The following ZNF410 variants were observed in gnomAD, a reference collection of about 807,000 sequenced individuals.
The protein encoded by ZNF410 is zinc finger protein 410, also known as another partner for ARF 1.
In ZNF410, 18 loss-of-function variants were observed where a neutral mutation model predicts 54.8. The observed-to-expected ratio is 0.33, with a 90% CI of 0.23 to 0.49. ZNF410 has a LOEUF of 0.49. Ranked by LOEUF, ZNF410 falls within the 20% of genes least tolerant of loss-of-function variation. The pLI is 0.99. For missense variants in ZNF410, 405 were observed against 569.6 expected (o/e 0.71, Z 2.94); for synonymous variants, 191 against 207.3 (o/e 0.92, Z 0.68).
At chr14:73,905,126 G>T (rs1281345519) in intron 7 of ZNF410, 43 bp downstream of exon 7, 13 of 1,579,830 alleles carry the variant, frequency 8.2e-6, no homozygotes, top group South Asian at 2.3e-5. Flanking sequence ...CTGCTCCTTG[G>T]CTCTGCATGT....
chr14:73,915,830 T>G (rs925696834), intron 8 of ZNF410: 1 of 152,262 alleles, frequency 6.6e-6, no homozygotes, highest in African/African-American at 2.4e-5. Context: ...TTACTGCTAG[T>G]AGTTGGTTTT....
chr14:73,909,282 G>T, intron 7 of ZNF410, 59 bp from the exon 8 acceptor site: 1 of 1,416,830 alleles, frequency 7.1e-7, no homozygotes, highest in Non-Finnish European at 9.8e-7. Flanking sequence ...TGGGAAAAGA[G>T]AGTAACAGGT....
intron 11 of ZNF410, among the ~76,000 whole-genome samples, chr14:73,930,604 T>C (rs1486111075): frequency 6.6e-6 from 1 of 152,180 alleles, no homozygotes; most frequent in Non-Finnish European, 1.5e-5. Flanking sequence ...TCCCATCTCA[T>C]TTTTGTGTGT....
chr14:73,890,292 G>T (rs1442384060), intron 1 of ZNF410, among the ~76,000 whole-genome samples: 1 of 151,688 alleles, frequency 6.6e-6, no homozygotes, highest in Non-Finnish European at 1.5e-5. Flanking sequence ...GGGTTCAAGC[G>T]ATTCTCCTGC....
intron 5 of ZNF410, 63 bp downstream of exon 5, chr14:73,898,325 G>C (rs571923674): frequency 1.3e-6 from 2 of 1,530,134 alleles, no homozygotes; most frequent in Admixed American, 3.6e-5. Flanking sequence ...TAATGCAGTG[G>C]CTGGTTTGAG....
At chr14:73,921,519 C>A (rs2055754160) in intron 9 of ZNF410, among the ~76,000 whole-genome samples, 1 of 151,998 alleles carries the variant, frequency 6.6e-6, no homozygotes. Flanking sequence ...GCTTTGTCAC[C>A]CAGGCTGGAG....
intron 5 of ZNF410, 40 bp from the exon 6 acceptor site, chr14:73,903,920 G>C (rs1296074880): frequency 3.1e-6 from 5 of 1,612,082 alleles, no homozygotes; most frequent in Non-Finnish European, 2.5e-6. Flanking sequence ...TATCTGAGTA[G>C]GGTCTTTCCC....
intron 11 of ZNF410, 113 bp downstream of exon 11, chr14:73,923,635 A>G (rs1292358006): frequency 4.0e-5 from 56 of 1,389,254 alleles, no homozygotes; most frequent in Non-Finnish European, 1.5e-5. Context: ...TTTGGCACGA[A>G]TATTTTCCTT....
Position 73,922,205 on chromosome 14 carries a change from T to C in ZNF410, c.1269T>C (p.Asp423=), listed in dbSNP as rs1127392. Residue 423 remains aspartate (D), a splice_region_variant and synonymous_variant, in exon 10 of 12, where the codon GAT becomes GAC. Transcript: ENST00000555044. The stretch of plus-strand genomic sequence containing the variant: ...CCAATTCTATCCTGGGAGTTGATGA[T>C]GGTAAGACTTCCAACTCTCCTTTAT... ...PNTNSILGVD[D]EVLAEGSPRS... 0.39 allele frequency: 632,008 copies of C among 1,611,990 alleles called. 130,354 individuals are homozygous for C. Among genetic ancestry groups the C allele is most frequent in the Non-Finnish European group, 0.43 (503,566 of 1,178,900 alleles).
chr14:73,891,946 A>T, intron 1 of ZNF410, 81 bp from the exon 2 acceptor site: 1 of 617,858 alleles, frequency 1.6e-6, no homozygotes, highest in Admixed American at 3.2e-5. Flanking sequence ...TTTTTTTTGT[A>T]TATGTAAAGA....
At chr14:73,889,215 C>G (rs1486567062) in intron 1 of ZNF410, among the ~76,000 whole-genome samples, 1 of 151,974 alleles carries the variant, frequency 6.6e-6, no homozygotes, top group Admixed American at 6.6e-5. Flanking sequence ...CCATTTGTTA[C>G]CCAGGCTGGA....
intron 9 of ZNF410, 110 bp from the exon 10 acceptor site, chr14:73,921,956 A>G (rs1336793509): frequency 1.5e-6 from 2 of 1,330,750 alleles, no homozygotes; most frequent in African/African-American, 1.5e-5. Flanking sequence ...CATCCCATCT[A>G]TAGGTTAACT....
intron 11 of ZNF410, among the ~76,000 whole-genome samples, chr14:73,930,590 T>C (rs1278232559): frequency 6.6e-6 from 1 of 152,190 alleles, no homozygotes; most frequent in African/African-American, 2.4e-5. Context: ...TTTTACTGAA[T>C]TGTTCCCATC....
intron 5 of ZNF410, among the ~76,000 whole-genome samples, chr14:73,899,215 G>A (rs746468262): frequency 6.6e-6 from 1 of 151,490 alleles, no homozygotes; most frequent in Non-Finnish European, 1.5e-5. Flanking sequence ...ATTTCTCATA[G>A]AGAACTAGAG....
In ZNF410 at chr14:73,932,013, C is replaced by T. The variant is rs1272851495; in HGVS notation, c.*472C>T. 2.2e-6 allele frequency: 1 copy of T among 456,508 alleles called. No individual in the cohort carries two copies. Among genetic ancestry groups the T allele is most frequent in the Non-Finnish European group, 4.4e-6 (1 of 226,822 alleles). The allele number at this position is 456,508 out of a possible 1,614,324, so 28.3% of individuals were successfully genotyped here. The stretch of plus-strand genomic sequence containing the variant: ...TTTGAAGAAGGGAGTGATGTCAATT[C>T]TCTTGTTACATTCTCCCTTTAGCAA... On this transcript the variant is annotated 3_prime_UTR_variant, in exon 12 of 12. Transcript: ENST00000555044.
chr14:73,904,467 A>G (rs1364216463), intron 6 of ZNF410, among the ~76,000 whole-genome samples: 1 of 151,712 alleles, frequency 6.6e-6, no homozygotes, highest in African/African-American at 2.4e-5. Flanking sequence ...TTTTTGTTTG[A>G]TTTTTTTTGT....
intron 11 of ZNF410, among the ~76,000 whole-genome samples, 188 bp from the exon 12 acceptor site, chr14:73,931,315 C>G (rs2055910601): frequency 6.6e-6 from 1 of 152,156 alleles, no homozygotes; most frequent in South Asian, 2.1e-4. Flanking sequence ...TATGACATGG[C>G]TAAAGTGCTG....
At chr14:73,918,233 C>T (rs1428724950) in intron 8 of ZNF410, among the ~76,000 whole-genome samples, 1 of 152,024 alleles carries the variant, frequency 6.6e-6, no homozygotes, top group East Asian at 1.9e-4. Flanking sequence ...GCCTCAGCCT[C>T]CCAAGTAGCT....
At chr14:73,920,850 A>C in intron 8 of ZNF410, 130 bp from the exon 9 acceptor site, 1 of 1,181,758 alleles carries the variant, frequency 8.5e-7, no homozygotes, top group Non-Finnish European at 1.2e-6. Context: ...GAGGCTGGGA[A>C]GGTGCGGAAT....
Sources: allele counts gnomAD v4.1 joint callset (sites outside exome capture counted in the v4.1 genomes callset), GRCh38; gene constraint gnomAD v4.1.1; transcripts MANE v1.5; gene names NCBI Gene and HGNC (gene_info 2026-07-23, HGNC 2026-07-21).